ANKH: variants seen among roughly 807,000 people sequenced by gnomAD.
The protein encoded by ANKH is ANKH inorganic pyrophosphate transport regulator, also known as mineralization regulator ANKH.
ANKH carries 15 observed loss-of-function variants against 49.0 expected under a neutral mutation model. That is an observed-to-expected ratio of 0.31 (90% CI 0.20 to 0.47). The LOEUF is 0.47. ANKH is among the 20% of genes least tolerant of loss of function. The pLI, the probability that ANKH is intolerant of heterozygous loss-of-function variation, is 1.00. For missense variants in ANKH, 429 were observed against 652.0 expected, an observed-to-expected ratio of 0.66 and a Z score of 3.72; for synonymous variants, 273 against 260.0, an observed-to-expected ratio of 1.05 and a Z score of -0.48.
At position 14,763,507 on chromosome 5, in the gene ANKH, A is replaced by G. The variant is rs546847626; in HGVS notation, c.314-4909T>C. ...TTAATATCACCCATCTATAATCTATACTAGGCAACACTTGTCCAATGTGGG... is the reference window on the plus strand; with the variant it reads ...TTAATATCACCCATCTATAATCTATGCTAGGCAACACTTGTCCAATGTGGG... On this transcript the variant is annotated intron_variant, in intron 2 of 11. Transcript: ENST00000284268. Among the ~76,000 whole-genome samples the G allele has an allele frequency of 2.0e-5, 3 of 152,320 alleles. 1 individual carries two copies. The South Asian group carries it at 6.2e-4, about 32-fold the overall frequency.
At position 14,721,884 on chromosome 5, in the gene ANKH, CAT is replaced by C. The variant is rs1219536087; in HGVS notation, c.1012-5051_1012-5050del. Among the ~76,000 whole-genome samples the C allele has an allele frequency of 5.1e-3, 625 of 121,642 alleles. 10 individuals carry two copies. The highest frequency in any genetic ancestry group is 6.1e-3 in the African/African-American group (198 of 32,426). The allele number at this position is 121,642 out of a possible 152,430, so 79.8% of individuals were successfully genotyped here. A position where few individuals can be genotyped will look rare whatever the true frequency, so the allele number is the denominator to read the frequency against. On this transcript the variant is annotated intron_variant, in intron 8 of 11. Transcript: ENST00000284268. Reference sequence around the variant, plus strand: ...GGCGGAGCTTGCAGTGAGCTGAGATCATGCCACTGCACTCCAGCCTGGGCGAC... The same window carrying C: ...GGCGGAGCTTGCAGTGAGCTGAGATCGCCACTGCACTCCAGCCTGGGCGAC...
intron 1 of ANKH, among the ~76,000 whole-genome samples, chr5:14,811,512 C>T (rs1422400190): frequency 6.6e-6 from 1 of 152,196 alleles, no homozygotes; most frequent in Non-Finnish European, 1.5e-5. Context: ...ACTATTGGAA[C>T]TAACCACTGA....
At chr5:14,723,674 C>T (rs372648548) in intron 8 of ANKH, among the ~76,000 whole-genome samples, 2 of 152,156 alleles carry the variant, frequency 1.3e-5, no homozygotes, top group Non-Finnish European at 2.9e-5. Flanking sequence ...AAGAAGATGA[C>T]GATTCATAAT....
chr5:14,798,397 C>T, intron 1 of ANKH: 1 of 1,566,676 alleles, frequency 6.4e-7, no homozygotes, highest in Admixed American at 1.8e-5. Flanking sequence ...TCCTTGTCGG[C>T]CATGGCGGGC....
At chr5:14,813,410 G>T (rs1740943462) in intron 1 of ANKH, among the ~76,000 whole-genome samples, 1 of 152,056 alleles carries the variant, frequency 6.6e-6, no homozygotes, top group African/African-American at 2.4e-5. Context: ...TCATCTGAAT[G>T]CCACAGAGAA....
In ANKH at chr5:14,735,437, G is replaced by C. The variant is rs577332300; in HGVS notation, c.1011+6390C>G. Among the ~76,000 whole-genome samples the C allele has an allele frequency of 2.0e-5, 3 of 152,178 alleles. No homozygotes were observed. The East Asian group carries it at 5.8e-4, about 29-fold the overall frequency. On this transcript the variant is annotated intron_variant, in intron 8 of 11. Coordinates refer to ENST00000284268, the MANE Select transcript of ANKH (RefSeq NM_054027.6). ...AGTGAGTTGAATAGTTAGAAGTCTG[G>C]TTCATCAATCCATGTAGCCTTAAGT...
chr5:14,789,270 T>C (rs1443177791), intron 1 of ANKH, among the ~76,000 whole-genome samples: 3 of 152,142 alleles, frequency 2.0e-5, no homozygotes, highest in Admixed American at 6.5e-5. Flanking sequence ...ATATATACCA[T>C]AGTATTTATT....
chr5:14,850,998 T>C (rs1742107359), intron 1 of ANKH, among the ~76,000 whole-genome samples: 2 of 152,052 alleles, frequency 1.3e-5, no homozygotes, highest in South Asian at 4.2e-4. Context: ...GGTGATGTTA[T>C]GAAGGTTTAA....
At chr5:14,739,750 A>C (rs1738295957) in intron 8 of ANKH, among the ~76,000 whole-genome samples, 1 of 152,248 alleles carries the variant, frequency 6.6e-6, no homozygotes, top group Non-Finnish European at 1.5e-5. Context: ...TACTTGGACA[A>C]GTCACTTGTC....
At chr5:14,803,884 T>C (rs1740631468) in intron 1 of ANKH, among the ~76,000 whole-genome samples, 1 of 152,106 alleles carries the variant, frequency 6.6e-6, no homozygotes, top group Non-Finnish European at 1.5e-5. Context: ...GCAAATTCTA[T>C]TAGTTCTCTA....
At position 14,848,901 on chromosome 5, in the gene ANKH, A is replaced by T. The variant is rs554719396; in HGVS notation, c.96+22451T>A. ...ACCCACCGGTAACAGCAATGTTTTT[A>T]AAACAACATTGTTTTATAAACTAAA... On this transcript the variant is annotated intron_variant, in intron 1 of 11. Transcript: ENST00000284268. Among the ~76,000 whole-genome samples, 4 of 152,354 alleles carry T rather than the reference A, an allele frequency of 2.6e-5. No individual in the cohort carries two copies. The South Asian group carries it at 8.3e-4, about 32-fold the overall frequency.
chr5:14,719,622 A>G (rs1439082562), intron 8 of ANKH, among the ~76,000 whole-genome samples: 1 of 152,174 alleles, frequency 6.6e-6, no homozygotes, highest in Non-Finnish European at 1.5e-5. Flanking sequence ...GCTAAGAAAG[A>G]TGATAATTGA....
chr5:14,850,031 C>T (rs755092623), intron 1 of ANKH, among the ~76,000 whole-genome samples: 5 of 152,180 alleles, frequency 3.3e-5, no homozygotes, highest in Admixed American at 6.5e-5. Context: ...CAGGCAAAAT[C>T]GCCTCACATA....
Position 14,722,176 on chromosome 5 carries a change from C to A in ANKH, c.1012-5341G>T, listed in dbSNP as rs1304416466. On this transcript the variant is annotated intron_variant, in intron 8 of 11. Coordinates refer to ENST00000284268, the MANE Select transcript of ANKH (RefSeq NM_054027.6). ...GTAGTCTCAACTCAGAACATGCCTC[C>A]CAGTTGACCATGATGTGCTGTGTTC... 5.3e-5 allele frequency among the ~76,000 whole-genome samples: 8 copies of A among 152,102 alleles called. No homozygotes were observed. In the East Asian group the frequency reaches 1.5e-3, roughly 29 times the overall value.
At chr5:14,714,833 A>C (rs963368331) in intron 9 of ANKH, among the ~76,000 whole-genome samples, 3 of 152,220 alleles carry the variant, frequency 2.0e-5, no homozygotes, top group African/African-American at 7.2e-5. Flanking sequence ...AGTAAAGGTG[A>C]ATCACATACT....
rs1739386579 is a variant in ANKH at position 14,770,063 on chromosome 5, C to T, written c.97-872G>A. 6.6e-6 allele frequency among the ~76,000 whole-genome samples: 1 copy of T among 152,094 alleles called. No homozygotes were observed. The highest frequency in any genetic ancestry group is 6.5e-5 in the Admixed American group (1 of 15,278). ...TAGAGAGAGCTTTCTGACTAAAATG[C>T]CTCTAGAACATTGCATCTGTCATTA... On this transcript the variant is annotated intron_variant, in intron 1 of 11. Transcript: ENST00000284268. This position sits in a 1 kb window ranked among gnomAD's most constrained non-coding sequence, Gnocchi z 4.1.
At chr5:14,845,810 C>T (rs1741942226) in intron 1 of ANKH, among the ~76,000 whole-genome samples, 1 of 147,464 alleles carries the variant, frequency 6.8e-6, no homozygotes, top group African/African-American at 2.5e-5. Context: ...TACGTCAGTA[C>T]TGCAAACTGG....
At chr5:14,853,397 G>A (rs559501469) in intron 1 of ANKH, among the ~76,000 whole-genome samples, 1 of 152,222 alleles carries the variant, frequency 6.6e-6, no homozygotes, top group Non-Finnish European at 1.5e-5. Flanking sequence ...GTAACATAGT[G>A]AGACCCTGTC....
rs188423578 is a variant in ANKH, at chr5:14,854,199, C to T, written c.96+17153G>A. Among the ~76,000 whole-genome samples the T allele has an allele frequency of 6.6e-5, 10 of 152,280 alleles. No homozygotes were observed. In the East Asian group the frequency reaches 9.6e-4, roughly 15 times the overall value. On this transcript the variant is annotated intron_variant, in intron 1 of 11. Transcript: ENST00000284268. The stretch of plus-strand genomic sequence containing the variant: ...CAGGTAGGAAAAATGAACTGTAGTA[C>T]GGCTCCCACTGACAGAGAATGTCCT...
Sources: allele counts gnomAD v4.1 joint callset (sites outside exome capture counted in the v4.1 genomes callset), GRCh38; gene constraint gnomAD v4.1.1; non-coding constraint Gnocchi (gnomAD v3.1); transcripts MANE v1.5; gene names NCBI Gene and HGNC (gene_info 2026-07-23, HGNC 2026-07-21).